The following SNX29 variants were observed in gnomAD, a reference collection of about 807,000 sequenced individuals.
The protein encoded by SNX29 is sorting nexin-29.
SNX29 carries 78 observed loss-of-function variants against 102.1 expected under a neutral mutation model. The ratio of observed to expected loss-of-function variants is 0.76; its 90% CI spans 0.64 to 0.92. The LOEUF (loss-of-function observed/expected upper bound fraction) is 0.92, where lower values mean the gene tolerates loss of function less well. SNX29 is among the 40% of genes least tolerant of loss of function. The probability of loss-of-function intolerance (pLI) is 0.00; values close to 1 mark genes in which losing one functional copy is unlikely to be tolerated. For synonymous variants in SNX29, 580 were observed against 414.5 expected (o/e 1.40, Z -4.85); for missense variants, 1,280 against 1,061.7 (o/e 1.21, Z -2.86).
At chr16:12,205,199 T>C (rs767231294) in intron 14 of SNX29, among the ~76,000 whole-genome samples, 5 of 152,184 alleles carry the variant, frequency 3.3e-5, no homozygotes, top group African/African-American at 4.8e-5. Flanking sequence ...CATTGCAGGC[T>C]TCTGAACCAT....
At chr16:12,546,055 G>A (rs1351005725) in intron 20 of SNX29, among the ~76,000 whole-genome samples, 1 of 152,204 alleles carries the variant, frequency 6.6e-6, no homozygotes, top group Non-Finnish European at 1.5e-5. Context: ...TGATGGGAGT[G>A]AAGCAGTCCT....
intron 3 of SNX29, among the ~76,000 whole-genome samples, chr16:12,004,469 T>C (rs774201756): frequency 1.3e-5 from 2 of 152,102 alleles, no homozygotes; most frequent in Non-Finnish European, 2.9e-5. Flanking sequence ...AGGAGACACA[T>C]AGGCATCCAG....
Position 12,277,975 on chromosome 16 carries a change from A to C in SNX29, c.1721A>C (p.Glu574Ala), listed in dbSNP as rs766973346. ...GTTGATGGAGAAGTTACAGTAGCTG[A>C]ACAGAAGCCGGGAGAAATTGCTGAA... The part of the protein sequence containing the change: ...WSVDGEVTVA[E>A]QKPGEIAEEL... The change falls in exon 15 of 21, where the codon GAA becomes GCA. Residue 574 changes from glutamate to alanine, a missense_variant. Physicochemically the swap from Glu to Ala is moderately radical, Grantham distance 107. Transcript: ENST00000566228. 69 of 1,609,698 alleles carry C rather than the reference A, an allele frequency of 4.3e-5. No homozygotes were observed. Among genetic ancestry groups the C allele is most frequent in the Non-Finnish European group, 5.3e-5 (63 of 1,178,050 alleles).
At chr16:12,568,389 G>A (rs1007138947) in intron 20 of SNX29, 117 bp from the exon 21 acceptor site, 4 of 1,370,848 alleles carry the variant, frequency 2.9e-6, no homozygotes, top group Non-Finnish European at 3.0e-6. Flanking sequence ...GATCCAATGA[G>A]CCAGTCACAG....
intron 11 of SNX29, among the ~76,000 whole-genome samples, chr16:12,088,990 G>C (rs1555458004): frequency 6.6e-6 from 1 of 152,100 alleles, no homozygotes; most frequent in Non-Finnish European, 1.5e-5. Context: ...AGGGGGCTGA[G>C]GCAGAGAATT....
At chr16:12,546,108 A>G (rs1374034855) in intron 20 of SNX29, among the ~76,000 whole-genome samples, 8 of 152,110 alleles carry the variant, frequency 5.3e-5, no homozygotes, top group Non-Finnish European at 1.0e-4. Flanking sequence ...GTGACTTTGG[A>G]CAATGTATTC....
At chr16:12,003,080 G>A (rs758610617) in intron 3 of SNX29, 37 bp downstream of exon 3, 14 of 1,613,398 alleles carry the variant, frequency 8.7e-6, no homozygotes, top group South Asian at 3.3e-5. Context: ...GACCATCGAG[G>A]TTGGAAAGGC....
chr16:12,512,129 G>A (rs1048146394), intron 19 of SNX29, among the ~76,000 whole-genome samples: 5 of 151,626 alleles, frequency 3.3e-5, no homozygotes, highest in African/African-American at 1.2e-4. Flanking sequence ...CGTGGTACAG[G>A]CAGCAACCAG....
Position 12,545,374 on chromosome 16 carries a change from C to G in SNX29, c.2318+20533C>G, listed in dbSNP as rs551477507. 5.3e-4 allele frequency: 80 copies of G among 152,328 alleles called. 1 individual carries two copies. Among genetic ancestry groups the G allele is most frequent in the African/African-American group, 1.8e-3 (74 of 41,578 alleles). 9.4% of individuals were successfully genotyped at this position (152,328 alleles called of 1,614,324 possible). On this transcript the variant is annotated intron_variant, in intron 20 of 20. Coordinates refer to ENST00000566228, the MANE Select transcript of SNX29 (RefSeq NM_032167.5). ...TACATACAGAGTGACAACCCATTGT[C>G]ACACAATAGGTGTATTGTCCGCTTC...
chr16:12,278,091 CT>C (rs2079312883), intron 15 of SNX29, 55 bp downstream of exon 15: 2 of 1,482,490 alleles, frequency 1.3e-6, no homozygotes, highest in Non-Finnish European at 9.2e-7. Flanking sequence ...GCGTTGGAGA[CT>C]TTCCAGGGTA....
chr16:12,295,770 C>T (rs1258857325), intron 15 of SNX29, among the ~76,000 whole-genome samples: 5 of 146,098 alleles, frequency 3.4e-5, no homozygotes, highest in African/African-American at 5.0e-5. Context: ...AAATTGGGTT[C>T]TTTTTTTTTT....
chr16:12,008,167 A>T (rs2056521605), intron 3 of SNX29, among the ~76,000 whole-genome samples: 1 of 151,874 alleles, frequency 6.6e-6, no homozygotes, highest in African/African-American at 2.4e-5. Flanking sequence ...GATAGTTTTG[A>T]TCTCCTGACC....
chr16:12,564,505 G>A (rs372449260), intron 20 of SNX29, among the ~76,000 whole-genome samples: 51 of 152,302 alleles, frequency 3.3e-4, no homozygotes, highest in African/African-American at 9.9e-4. Flanking sequence ...CTTAACAGAA[G>A]GAACTCAAGT....
intron 1 of SNX29, among the ~76,000 whole-genome samples, chr16:11,987,075 A>AT (rs892780045): frequency 6.6e-6 from 1 of 151,838 alleles, no homozygotes; most frequent in African/African-American, 2.4e-5. Flanking sequence ...TTTCTGTCTT[A>AT]TTTTTTTGAG....
rs539731775 is a variant in SNX29 at position 12,273,208 on chromosome 16, C to T, written c.1679-4725C>T. Among the ~76,000 whole-genome samples, 4 of 152,118 alleles carry T rather than the reference C, an allele frequency of 2.6e-5. No individual in the cohort carries two copies. The South Asian group carries it at 8.3e-4, about 32-fold the overall frequency. ...CTGGTGCCTTCTGGCCTACTCTAGC[C>T]AGAAGCCTGCTGCTGGTGGGCCCAC... On this transcript the variant is annotated intron_variant, in intron 14 of 20. Transcript: ENST00000566228.
At chr16:12,303,950 G>A (rs1242076031) in intron 15 of SNX29, among the ~76,000 whole-genome samples, 4 of 152,172 alleles carry the variant, frequency 2.6e-5, no homozygotes, top group African/African-American at 7.2e-5. Flanking sequence ...TTTCAGTGGC[G>A]TTTGAGGTTT....
chr16:12,123,673 T>C, intron 11 of SNX29, among the ~76,000 whole-genome samples: 1 of 152,168 alleles, frequency 6.6e-6, no homozygotes, highest in Non-Finnish European at 1.5e-5. Flanking sequence ...CCCCAACTGA[T>C]TGGCACAGTG....
Position 12,052,020 on chromosome 16 carries a change from G to A in SNX29, c.922G>A (p.Glu308Lys), listed in dbSNP as rs2151219225. The A allele has an allele frequency of 1.9e-6, 3 of 1,613,952 alleles. No individual in the cohort carries two copies. The highest frequency in any genetic ancestry group is 2.5e-6 in the Non-Finnish European group (3 of 1,179,872). Residue 308 changes from glutamate to lysine, a missense_variant, in exon 8 of 21, where the codon GAA (glutamate) becomes AAA (lysine). By Grantham distance (56) the Glu-to-Lys change is moderately conservative (BLOSUM62 1). Coordinates refer to ENST00000566228, the MANE Select transcript of SNX29 (RefSeq NM_032167.5). ...RSSVNIMSAF[E>K]SPFGPNSNGS... ...CTCTGTCAATATCATGTCCGCCTTT[G>A]AAAGCCCCTTCGGGCCTAACTCCAA... is the stretch of plus-strand genomic sequence containing the variant.
At position 12,403,392 on chromosome 16, in the gene SNX29, ATTTTTTT is replaced by A. The variant is rs529639929; in HGVS notation, c.1956-55_1956-49del. On this transcript the variant is annotated intron_variant, in intron 17 of 20. Coordinates refer to ENST00000566228, the MANE Select transcript of SNX29 (RefSeq NM_032167.5). The stretch of plus-strand genomic sequence containing the variant: ...TCTCCTTTCCTCTTTTTTATTTTTT[ATTTTTTT>A]GTAAGTTAAAATGTCTAATGTTGGT... The A allele has an allele frequency of 1.3e-4, 196 of 1,500,048 alleles. No homozygotes were observed. The African/African-American group carries it at 2.6e-3, about 20-fold the overall frequency. 92.9% of individuals were successfully genotyped at this position (1,500,048 alleles called of 1,614,324 possible). A position where few individuals can be genotyped will look rare whatever the true frequency, so the allele number is the denominator to read the frequency against.
Sources: allele counts gnomAD v4.1 joint callset (sites outside exome capture counted in the v4.1 genomes callset), GRCh38; gene constraint gnomAD v4.1.1; transcripts MANE v1.5; gene names NCBI Gene and HGNC (gene_info 2026-07-23, HGNC 2026-07-21).